Variants in APTX observed in about 807,000 individuals in gnomAD.
APTX encodes forkhead-associated domain histidine triad-like protein.
In APTX, 33 loss-of-function variants were observed where a neutral mutation model predicts 42.3. That is an observed-to-expected ratio of 0.78 (90% confidence interval 0.59 to 1.04). APTX has a LOEUF of 1.04. APTX is among the 50% of genes least tolerant of loss of function. The pLI is 0.00. For missense variants in APTX, 421 were observed against 415.1 expected, an observed-to-expected ratio of 1.01 and a Z score of -0.12; for synonymous variants, 130 against 146.7, an observed-to-expected ratio of 0.89 and a Z score of 0.82.
At chr9:32,982,668 T>C (rs2118608632) in intron 6 of APTX, among the ~76,000 whole-genome samples, 1 of 152,308 alleles carries the variant, frequency 6.6e-6, no homozygotes. Flanking sequence ...CATATATACC[T>C]ACCACAGCTC....
intron 4 of APTX, 25 bp from the exon 5 acceptor site, chr9:32,986,055 CAA>C (rs748400752): frequency 8.8e-5 from 46 of 520,986 alleles, no homozygotes; most frequent in South Asian, 1.4e-4. Context: ...AAAAAAAAAA[CAA>C]AAAAAAAAAA....
intron 1 of APTX, among the ~76,000 whole-genome samples, chr9:33,009,137 T>C (rs1404204415): frequency 6.6e-6 from 1 of 152,258 alleles, no homozygotes; most frequent in East Asian, 1.9e-4. Flanking sequence ...GTTTAGGAGA[T>C]GATTACTGTA....
Position 33,019,245 on chromosome 9 carries a change from G to T in APTX, c.-5+5778C>A, listed in dbSNP as rs1838162918. On this transcript the variant is annotated intron_variant, in intron 1 of 6. Coordinates refer to the APTX transcript ENST00000436040. ...TCAGTTTAAAAAAATGAAGGGTGGT[G>T]AGTGGGGGTAGGAATGAAGGAGAGA... Among the ~76,000 whole-genome samples the T allele has an allele frequency of 2.0e-5, 3 of 152,244 alleles. No individual in the cohort carries two copies. The South Asian group carries it at 6.2e-4, about 32-fold the overall frequency.
chr9:32,998,890 T>TAA (rs34068893), intron 1 of APTX, among the ~76,000 whole-genome samples: 79 of 138,060 alleles, frequency 5.7e-4, no homozygotes, highest in Admixed American at 1.2e-3. Context: ...TTGGTCAAGC[T>TAA]AAAAAAAAAA....
chr9:33,018,118 ATTTT>A (rs557047910), intron 1 of APTX, among the ~76,000 whole-genome samples: 2 of 144,502 alleles, frequency 1.4e-5, no homozygotes, highest in African/African-American at 5.0e-5. Context: ...TTTTTATTTA[ATTTT>A]TTTTTTTTTG....
At chr9:33,002,004 T>G (rs914729024), upstream of APTX, among the ~76,000 whole-genome samples, 5 of 152,206 alleles carry the variant, frequency 3.3e-5, no homozygotes, top group African/African-American at 1.2e-4. Context: ...CACTGCTACT[T>G]GCTTTTTAAA....
intron 1 of APTX, chr9:33,015,983 G>A (rs868667697): frequency 1.3e-5 from 2 of 152,108 alleles, no homozygotes; most frequent in Admixed American, 6.5e-5. Flanking sequence ...GTGAGGTGAA[G>A]AATTAAAATA....
intron 6 of APTX, among the ~76,000 whole-genome samples, chr9:32,983,862 G>C (rs548775455): frequency 2.5e-4 from 38 of 152,238 alleles, no homozygotes; most frequent in African/African-American, 8.4e-4. Flanking sequence ...GGGGGAAATG[G>C]AGAGTTATTA....
intron 1 of APTX, among the ~76,000 whole-genome samples, chr9:32,997,947 T>TG (rs1563986084): frequency 6.6e-6 from 1 of 151,910 alleles, no homozygotes. Flanking sequence ...AGAAAAGATA[T>TG]GGGGGAACAG....
Position 32,984,614 on chromosome 9 carries a change from C to T in APTX, c.770+17G>A. 6.2e-7 allele frequency: 1 copy of T among 1,611,742 alleles called. No homozygotes were observed. The highest frequency in any genetic ancestry group is 8.5e-7 in the Non-Finnish European group (1 of 1,177,774). ...TGGACAGAACCAGGAGCCAGCAGCA[C>T]TACCCACCTGGCTTACCTCATACTC... On this transcript the variant is annotated intron_variant, in intron 6 of 7. Coordinates refer to ENST00000379817, the MANE Select transcript of APTX (RefSeq NM_001195248.2).
intron 7 of APTX, 59 bp from the exon 8 acceptor site, chr9:32,973,711 C>CAAAAAAAAAAAAAAAAAAAAAAA: frequency 3.0e-6 from 4 of 1,331,630 alleles, no homozygotes; most frequent in Non-Finnish European, 3.1e-6. Context: ...TATGAGATAC[C>CAAAAAAAAAAAAAAAAAAAAAAA]AAAAAAAAAA....
chr9:33,008,197 G>GA (rs1211100504), intron 1 of APTX, among the ~76,000 whole-genome samples: 2 of 151,546 alleles, frequency 1.3e-5, no homozygotes, highest in South Asian at 2.1e-4. Flanking sequence ...GGAGCTTGGT[G>GA]AAAAAAATTT....
chr9:32,975,223 TA>T (rs2118293781), intron 6 of APTX, among the ~76,000 whole-genome samples: 1 of 152,264 alleles, frequency 6.6e-6, no homozygotes, highest in Non-Finnish European at 1.5e-5. Context: ...TAAAGCCTCT[TA>T]AAGGTGACAA....
At chr9:33,009,376 T>C (rs896851951) in intron 1 of APTX, among the ~76,000 whole-genome samples, 14 of 152,106 alleles carry the variant, frequency 9.2e-5, no homozygotes, top group African/African-American at 3.4e-4. Flanking sequence ...TCCTACCCTT[T>C]CCCCCACCCC....
chr9:33,015,223 T>A (rs1056812056), intron 1 of APTX, among the ~76,000 whole-genome samples: 1 of 152,260 alleles, frequency 6.6e-6, no homozygotes, highest in East Asian at 1.9e-4. Flanking sequence ...ATGTTTATAA[T>A]ACATTATACA....
intron 6 of APTX, among the ~76,000 whole-genome samples, chr9:32,976,229 G>C (rs528286930): frequency 1.3e-5 from 2 of 151,832 alleles, no homozygotes; most frequent in Non-Finnish European, 2.9e-5. Flanking sequence ...GGCCTGTCAG[G>C]GGGGTGGGGG....
chr9:32,986,235 C>G (rs1832098095), intron 4 of APTX: 7 of 697,758 alleles, frequency 1.0e-5, no homozygotes, highest in Non-Finnish European at 1.8e-5. Context: ...TTTTTTGAGA[C>G]AAAGTCTCAC....
chr9:33,005,090 A>T (rs925446987), upstream of APTX, among the ~76,000 whole-genome samples: 1 of 152,050 alleles, frequency 6.6e-6, no homozygotes, highest in Non-Finnish European at 1.5e-5. Context: ...ATGTCTATTC[A>T]AGTACTTCAT....
chr9:32,989,818 A>T lies in APTX; in HGVS notation c.74T>A (p.Val25Asp). ...QRIRLPHLEAVVIGRGPETKI... is the reference protein window; with the variant it reads ...QRIRLPHLEADVIGRGPETKI... ...GGTCTCTGGGCCACGCCCAATCACA[A>T]CTGCTTCCAAATGTGGAAGTCTGAT... Residue 25 changes from valine (V) to aspartate (D), a missense_variant, in exon 2 of 8, where the codon GTT becomes GAT. Val to Asp is a radical substitution (Grantham distance 152). Coordinates refer to ENST00000379817, the MANE Select transcript of APTX (RefSeq NM_001195248.2). 1 of 1,614,224 alleles carries T rather than the reference A, an allele frequency of 6.2e-7. No individual in the cohort carries two copies. Among genetic ancestry groups the T allele is most frequent in the Non-Finnish European group, 8.5e-7 (1 of 1,180,044 alleles).
Sources: gnomAD v4.1 joint callset for allele counts (sites outside exome capture counted in the v4.1 genomes callset) on GRCh38, gnomAD v4.1.1 for gene constraint, MANE v1.5 for transcripts, NCBI Gene and HGNC (gene_info 2026-07-23, HGNC 2026-07-21) for gene names.